The following FANCL variants were observed in gnomAD, a reference collection of about 807,000 sequenced individuals.
FANCL encodes the protein FA complementation group L, also known as E3 ubiquitin-protein ligase FANCL.
A neutral mutation model predicts 59.4 loss-of-function variants in FANCL; 69 were observed. That is an observed-to-expected ratio of 1.16 (90% CI 0.96 to 1.42). The LOEUF (loss-of-function observed/expected upper bound fraction) is 1.42, where lower values mean the gene tolerates loss of function less well. FANCL is among the 40% of genes most tolerant of loss of function. FANCL has a pLI of 0.00. For synonymous variants in FANCL, 180 were observed against 147.1 expected (o/e 1.22, Z -1.62); for missense variants, 519 against 447.2 (o/e 1.16, Z -1.45).
intron 6 of FANCL, among the ~76,000 whole-genome samples, chr2:58,201,022 T>C (rs536933792): frequency 1.3e-5 from 2 of 150,880 alleles, no homozygotes; most frequent in East Asian, 1.9e-4. Context: ...AGAACATTTA[T>C]GTAAGTCTGG....
chr2:58,200,139 TAA>T (rs1319159182), intron 6 of FANCL, among the ~76,000 whole-genome samples: 1 of 151,712 alleles, frequency 6.6e-6, no homozygotes, highest in African/African-American at 2.4e-5. Flanking sequence ...ATGCTGAAAT[TAA>T]AAGAGGAAGT....
At chr2:58,184,303 GATTAC>G (rs1359784721) in intron 7 of FANCL, among the ~76,000 whole-genome samples, 4 of 151,834 alleles carry the variant, frequency 2.6e-5, no homozygotes, top group African/African-American at 9.7e-5. Context: ...AAAATATTTG[GATTAC>G]ATTATACTTT....
chr2:58,160,373 ATC>A (rs1257115148), intron 12 of FANCL, among the ~76,000 whole-genome samples, 194 bp from the exon 13 acceptor site: 4 of 152,054 alleles, frequency 2.6e-5, no homozygotes, highest in Non-Finnish European at 4.4e-5. Flanking sequence ...AACAAGGGAA[ATC>A]AACATGGAAT....
At position 58,163,083 on chromosome 2, in the gene FANCL, TA is replaced by T. The variant is rs374236117; in HGVS notation, c.776-10del. 0.03 allele frequency: 31,211 copies of T among 1,057,368 alleles called. 1 individual carries two copies. The highest frequency in any genetic ancestry group is 0.033 in the Non-Finnish European group (25,382 of 772,034). The allele number at this position is 1,057,368 out of a possible 1,614,324, so 65.5% of individuals were successfully genotyped here. ...TCCCAGGGGTTTTACCACTTCAGAT[TA>T]AAAAAAAAAAATTTAATAATTGCAT... On this transcript the variant is annotated splice_polypyrimidine_tract_variant and intron_variant, in intron 9 of 13. Transcript: ENST00000233741.
chr2:58,166,248 A>ATT, intron 7 of FANCL, among the ~76,000 whole-genome samples: 1 of 152,328 alleles, frequency 6.6e-6, no homozygotes, highest in East Asian at 1.9e-4. Flanking sequence ...TGTCTATAAT[A>ATT]TTTTAGTATG....
chr2:58,190,844 T>A (rs1688856940), intron 7 of FANCL, among the ~76,000 whole-genome samples: 1 of 151,972 alleles, frequency 6.6e-6, no homozygotes, highest in African/African-American at 2.4e-5. Flanking sequence ...TCTAATAAAT[T>A]GGTTTGGCTT....
chr2:58,171,980 C>G (rs1006876649), intron 7 of FANCL, among the ~76,000 whole-genome samples: 3 of 152,348 alleles, frequency 2.0e-5, no homozygotes, highest in Middle Eastern at 3.4e-3. Flanking sequence ...CCTACGCCCA[C>G]GGAGCCTCCT....
chr2:58,178,874 A>T (rs113273275), intron 7 of FANCL, among the ~76,000 whole-genome samples: 5 of 152,004 alleles, frequency 3.3e-5, no homozygotes, highest in African/African-American at 1.2e-4. Context: ...GATAAGCAAC[A>T]TCAGCAAGGT....
intron 5 of FANCL, among the ~76,000 whole-genome samples, chr2:58,220,355 T>C (rs1692347011): frequency 6.6e-6 from 1 of 152,048 alleles, no homozygotes; most frequent in South Asian, 2.1e-4. Flanking sequence ...CCAAAAGAGG[T>C]ATGGCCCACT....
At chr2:58,198,968 G>C (rs1041981816) in intron 6 of FANCL, among the ~76,000 whole-genome samples, 2 of 150,464 alleles carry the variant, frequency 1.3e-5, no homozygotes, top group Non-Finnish European at 2.9e-5. Flanking sequence ...GGCGGAGATG[G>C]CAGTGAGCCG....
In FANCL at chr2:58,161,549, T is replaced by C. The variant is rs777378352; in HGVS notation, c.993A>G (p.Gln331=). The C allele has an allele frequency of 4.3e-6, 7 of 1,609,986 alleles. No individual in the cohort carries two copies. The Admixed American group carries it at 1.0e-4, about 23-fold the overall frequency. ...DQVCDNSQCG[Q]PFHQICLYEW... ...CATATAAGCATATTTGATGGAAAGG[T>C]TGTCCACACTGAGAATTATCACACA... Residue 331 remains glutamine (Q), a synonymous_variant, in exon 12 of 14, where the codon CAA becomes CAG. Transcript: ENST00000233741.
intron 7 of FANCL, among the ~76,000 whole-genome samples, chr2:58,179,905 G>C (rs1687756819): frequency 6.6e-6 from 1 of 152,120 alleles, no homozygotes; most frequent in Non-Finnish European, 1.5e-5. Context: ...TCTAAAAGTA[G>C]GCAAAGGATA....
At chr2:58,173,004 A>T (rs1396361026) in intron 7 of FANCL, among the ~76,000 whole-genome samples, 2 of 152,242 alleles carry the variant, frequency 1.3e-5, no homozygotes, top group Non-Finnish European at 2.9e-5. Context: ...AAGCCTCAGG[A>T]GCCGATGCGA....
At chr2:58,192,064 A>G (rs1688978536) in intron 7 of FANCL, among the ~76,000 whole-genome samples, 2 of 152,046 alleles carry the variant, frequency 1.3e-5, no homozygotes, top group South Asian at 2.1e-4. Context: ...GTGAAGGTCT[A>G]TAGTAAAGTC....
At chr2:58,198,732 A>T in intron 6 of FANCL, 70 bp from the exon 7 acceptor site, 1 of 1,281,704 alleles carries the variant, frequency 7.8e-7, no homozygotes, top group Non-Finnish European at 1.1e-6. Flanking sequence ...ATTTTAGAAA[A>T]ACTAGATGTA....
chr2:58,172,399 C>A (rs1199769826), intron 7 of FANCL, among the ~76,000 whole-genome samples: 3 of 152,164 alleles, frequency 2.0e-5, no homozygotes, highest in Non-Finnish European at 4.4e-5. Context: ...TCCTCTGAGA[C>A]AAAACTTCCA....
At chr2:58,214,718 C>A (rs532560438) in intron 5 of FANCL, among the ~76,000 whole-genome samples, 9 of 151,928 alleles carry the variant, frequency 5.9e-5, no homozygotes, top group Admixed American at 2.0e-4. Context: ...CACCATGTTG[C>A]CCAGGTTGGT....
chr2:58,193,729 G>A (rs537342285), intron 7 of FANCL, among the ~76,000 whole-genome samples: 2 of 152,044 alleles, frequency 1.3e-5, no homozygotes, highest in African/African-American at 4.8e-5. Context: ...TTGGTCAAAA[G>A]AACTTCCACA....
At chr2:58,241,328 A>G (rs1410477334), upstream of FANCL, 4 of 1,613,226 alleles carry the variant, frequency 2.5e-6, no homozygotes, top group Non-Finnish European at 3.4e-6. Context: ...CGAAGTCCGG[A>G]GAAACACAGA....
Sources: gnomAD v4.1 joint callset for allele counts (sites outside exome capture counted in the v4.1 genomes callset) on GRCh38, gnomAD v4.1.1 for gene constraint, MANE v1.5 for transcripts, NCBI Gene and HGNC (gene_info 2026-07-23, HGNC 2026-07-21) for gene names.